LEMD1: variants seen among roughly 807,000 people sequenced by gnomAD.
LEMD1 encodes LEM domain containing 1.
A neutral mutation model predicts 17.4 loss-of-function variants in LEMD1; 18 were observed. That is an observed-to-expected ratio of 1.04 (90% CI 0.72 to 1.54). LEMD1 has a LOEUF of 1.54. Ranked by LOEUF, LEMD1 falls within the 40% of genes most tolerant of loss-of-function variation. The probability of loss-of-function intolerance (pLI) is 0.00; values close to 1 mark genes in which losing one functional copy is unlikely to be tolerated. For synonymous variants in LEMD1, 88 were observed against 77.8 expected, an observed-to-expected ratio of 1.13 and a Z score of -0.69; for missense variants, 195 against 210.4, an observed-to-expected ratio of 0.93 and a Z score of 0.45.
chr1:205,403,100 T>C (rs982977800), intron 4 of LEMD1, among the ~76,000 whole-genome samples: 1 of 152,070 alleles, frequency 6.6e-6, no homozygotes, highest in Non-Finnish European at 1.5e-5. Context: ...GGATTCGGTG[T>C]GCCAATATTT....
chr1:205,427,939 C>T (rs1053529576), intron 1 of LEMD1, among the ~76,000 whole-genome samples: 4 of 152,174 alleles, frequency 2.6e-5, no homozygotes, highest in East Asian at 1.9e-4. Context: ...AGCATTATAA[C>T]GGTTCCTGGT....
Position 205,384,296 on chromosome 1 carries a change from C to T in LEMD1, c.339G>A (p.Lys113=). Residue 113 remains lysine, a synonymous_variant, in exon 5 of 6, where the codon AAG becomes AAA. Coordinates refer to ENST00000367153, the MANE Select transcript of LEMD1 (RefSeq NM_001199050.2). ...DTYCLDYKPS[K]GRRWAARAPS... ...CTAAAAAACATCATTACCTTCTTCC[C>T]TTGGAAGGCTTATAATCCAAGCAAT... 1 of 1,502,758 alleles carries T rather than the reference C, an allele frequency of 6.7e-7. No homozygotes were observed. The allele number at this position is 1,502,758 out of a possible 1,614,324, so 93.1% of individuals were successfully genotyped here. A position where few individuals can be genotyped will look rare whatever the true frequency, so the allele number is the denominator to read the frequency against.
chr1:205,421,990 C>T lies in LEMD1; in HGVS notation c.-39G>A, dbSNP rs1395233591. ...CCAACTGGATGATTAATTCACTTAC[C>T]CCTTCACATGGTTATCTAAAGTCTA... On this transcript the variant is annotated splice_region_variant and 5_prime_UTR_variant, in exon 1 of 6. Transcript: ENST00000367153. The T allele has an allele frequency of 6.6e-6, 1 of 152,132 alleles. No individual in the cohort carries two copies. The highest frequency in any genetic ancestry group is 1.5e-5 in the Non-Finnish European group (1 of 68,028). 9.4% of individuals were successfully genotyped at this position (152,132 alleles called of 1,614,324 possible). A position where few individuals can be genotyped will look rare whatever the true frequency, so the allele number is the denominator to read the frequency against.
At chr1:205,383,619 C>CTT (rs147921976) in intron 5 of LEMD1, among the ~76,000 whole-genome samples, 2 of 142,336 alleles carry the variant, frequency 1.4e-5, no homozygotes, top group Non-Finnish European at 3.0e-5. Context: ...TATTTATATC[C>CTT]TTTTTTTTTT....
At chr1:205,383,265 T>C (rs922286234) in intron 5 of LEMD1, among the ~76,000 whole-genome samples, 4 of 152,144 alleles carry the variant, frequency 2.6e-5, no homozygotes, top group African/African-American at 9.7e-5. Context: ...GGCTAATTTT[T>C]AAATTTTTCT....
At chr1:205,406,949 A>C (rs1393323584) in intron 4 of LEMD1, among the ~76,000 whole-genome samples, 1 of 152,164 alleles carries the variant, frequency 6.6e-6, no homozygotes, top group Non-Finnish European at 1.5e-5. Flanking sequence ...ATCTTTTTGT[A>C]TGCTAATGAG....
intron 4 of LEMD1, among the ~76,000 whole-genome samples, chr1:205,391,614 G>C (rs942014242): frequency 2.0e-5 from 3 of 152,146 alleles, no homozygotes; most frequent in East Asian, 3.9e-4. Flanking sequence ...CCTGCTCCGC[G>C]CCTGGGTGGT....
intron 1 of LEMD1, among the ~76,000 whole-genome samples, chr1:205,443,954 G>GT (rs1666339872): frequency 1.3e-5 from 2 of 152,138 alleles, no homozygotes; most frequent in African/African-American, 4.8e-5. Flanking sequence ...CAGGAGTCCT[G>GT]TCGACTCTCT....
intron 4 of LEMD1, among the ~76,000 whole-genome samples, chr1:205,393,684 A>G (rs1664448713): frequency 1.3e-5 from 2 of 152,196 alleles, no homozygotes; most frequent in Admixed American, 1.3e-4. Context: ...TTAAAAAAAA[A>G]AAAAGGAAAA....
At chr1:205,407,371 C>G (rs909082962) in intron 4 of LEMD1, among the ~76,000 whole-genome samples, 8 of 151,468 alleles carry the variant, frequency 5.3e-5, no homozygotes, top group African/African-American at 1.9e-4. Context: ...TGGAGCCCCA[C>G]CCCCTGACCT....
At chr1:205,395,589 T>C (rs1664554163) in intron 4 of LEMD1, among the ~76,000 whole-genome samples, 1 of 75,804 alleles carries the variant, frequency 1.3e-5, no homozygotes, top group Non-Finnish European at 2.7e-5. Context: ...AGCGAAATTC[T>C]GTCTCAAAAA....
At chr1:205,413,565 A>G (rs112385294) in intron 4 of LEMD1, among the ~76,000 whole-genome samples, 2 of 142,490 alleles carry the variant, frequency 1.4e-5, no homozygotes, top group African/African-American at 5.3e-5. Flanking sequence ...CTGGGATGAC[A>G]TGTGCGTGTC....
At chr1:205,422,753 C>T (rs571168412), upstream of LEMD1, among the ~76,000 whole-genome samples, 8 of 152,246 alleles carry the variant, frequency 5.3e-5, no homozygotes, top group East Asian at 3.9e-4. Flanking sequence ...TGTGAGAAAA[C>T]GCAATGCCTT....
At chr1:205,407,792 G>A (rs1451979963) in intron 4 of LEMD1, among the ~76,000 whole-genome samples, 1 of 152,170 alleles carries the variant, frequency 6.6e-6, no homozygotes. Flanking sequence ...GCTGGACTGA[G>A]CCCCTTAACC....
intron 1 of LEMD1, chr1:205,449,857 G>A (rs1284269229): frequency 6.6e-6 from 1 of 152,596 alleles, no homozygotes; most frequent in African/African-American, 2.4e-5. Context: ...GGGGTCCCAG[G>A]GGCTGCTCAC....
chr1:205,435,825 A>T (rs922940774), intron 1 of LEMD1: 1 of 152,124 alleles, frequency 6.6e-6, no homozygotes, highest in African/African-American at 2.4e-5. Context: ...CAGGTAGAAA[A>T]CCAAAGGCTC....
intron 1 of LEMD1, among the ~76,000 whole-genome samples, 191 bp from the exon 2 acceptor site, chr1:205,420,765 T>C (rs570361459): frequency 9.2e-5 from 14 of 152,336 alleles, no homozygotes; most frequent in East Asian, 5.8e-4. Flanking sequence ...ATGTAAAACT[T>C]TGGATGGGTG....
rs777030356 is a variant in LEMD1, at chr1:205,419,298, G to A, written c.137C>T (p.Pro46Leu). 6.2e-7 allele frequency: 1 copy of A among 1,614,214 alleles called. No homozygotes were observed. Among genetic ancestry groups the A allele is most frequent in the East Asian group, 2.2e-5 (1 of 44,894 alleles). ...TCCATTCATCACAGGTGGTGCACAG[G>A]GAGGTGAGACCAACAACTGTACTAA... is the stretch of plus-strand genomic sequence containing the variant. Reference protein sequence around the residue: ...KKLVQLLVSPPCAPPVMNGPR... With the variant: ...KKLVQLLVSPLCAPPVMNGPR... Residue 46 changes from proline (P) to leucine (L), a missense_variant, in exon 3 of 6, where the codon CCC becomes CTC. Physicochemically the swap from Pro to Leu is moderately conservative, Grantham distance 98 (BLOSUM62 -3). Transcript: ENST00000367153.
intron 1 of LEMD1, among the ~76,000 whole-genome samples, chr1:205,434,230 G>A (rs867056840): frequency 4.0e-5 from 6 of 150,296 alleles, no homozygotes; most frequent in Middle Eastern, 3.5e-3. Context: ...TTGCTCTGTT[G>A]CCCAGGCTGG....
Sources: allele counts gnomAD v4.1 joint callset (sites outside exome capture counted in the v4.1 genomes callset), GRCh38; gene constraint gnomAD v4.1.1; transcripts MANE v1.5; gene names NCBI Gene and HGNC (gene_info 2026-07-23, HGNC 2026-07-21).